RBFOX1: variants seen among roughly 807,000 people sequenced by gnomAD.
RBFOX1 encodes the protein RNA binding protein fox-1 homolog 1.
RBFOX1 carries 8 observed loss-of-function variants against 57.7 expected under a neutral mutation model. That is an observed-to-expected ratio of 0.14 (90% CI 0.08 to 0.25). The LOEUF is 0.25. Ranked by LOEUF, RBFOX1 falls within the 10% of genes least tolerant of loss-of-function variation. The probability of loss-of-function intolerance (pLI) is 1.00; values close to 1 mark genes in which losing one functional copy is unlikely to be tolerated. For synonymous variants in RBFOX1, 326 were observed against 222.4 expected, an observed-to-expected ratio of 1.47 and a Z score of -4.15; for missense variants, 611 against 548.5, an observed-to-expected ratio of 1.11 and a Z score of -1.14.
intron 3 of RBFOX1, among the ~76,000 whole-genome samples, chr16:7,011,909 C>G (rs1049232563): frequency 1.3e-5 from 2 of 152,174 alleles, no homozygotes; most frequent in Admixed American, 1.3e-4. Context: ...GCATGCTCTT[C>G]CACCCCATCT....
At chr16:7,148,023 A>C (rs2075368443) in intron 4 of RBFOX1, among the ~76,000 whole-genome samples, 3 of 152,216 alleles carry the variant, frequency 2.0e-5, no homozygotes, top group African/African-American at 7.2e-5. Context: ...CTGCCACTTC[A>C]AGATCAGAGG....
At position 7,091,467 on chromosome 16, in the gene RBFOX1, C is replaced by T. The variant is rs139615424; in HGVS notation, c.27+39369C>T. Reference sequence around the variant, plus strand: ...GAATTTCTGAGGGATGTTGAAAAGACGGGGAGAGAGTTATGCCAGGCGGCA... The same window carrying T: ...GAATTTCTGAGGGATGTTGAAAAGATGGGGAGAGAGTTATGCCAGGCGGCA... On this transcript the variant is annotated intron_variant, in intron 4 of 15. Transcript: ENST00000550418. Among the ~76,000 whole-genome samples, 22 of 151,662 alleles carry T rather than the reference C, an allele frequency of 1.5e-4. No homozygotes were observed. In the East Asian group the frequency reaches 1.6e-3, roughly 11 times the overall value.
chr16:7,293,450 C>T (rs533096715), intron 4 of RBFOX1, among the ~76,000 whole-genome samples: 1 of 152,258 alleles, frequency 6.6e-6, no homozygotes, highest in East Asian at 1.9e-4. Context: ...ATCACATCTT[C>T]CATTCTCTCT....
chr16:5,763,503 G>A (rs566342054), intron 3 of RBFOX1, among the ~76,000 whole-genome samples: 12 of 152,346 alleles, frequency 7.9e-5, no homozygotes, highest in East Asian at 3.9e-4. Context: ...TGGGGATGAA[G>A]GGGGCATGTC....
intron 2 of RBFOX1, among the ~76,000 whole-genome samples, chr16:5,498,327 A>G (rs1041064006): frequency 5.9e-5 from 9 of 152,146 alleles, no homozygotes; most frequent in African/African-American, 2.2e-4. Flanking sequence ...TATTTTTAGT[A>G]GAGACAGGGT....
intron 1 of RBFOX1, among the ~76,000 whole-genome samples, chr16:5,427,317 GC>G (rs1467782387): frequency 6.6e-6 from 1 of 152,194 alleles, no homozygotes; most frequent in Admixed American, 6.5e-5. Context: ...GGGCACGGTG[GC>G]TCATGCCTTT....
chr16:7,689,309 A>G (rs2076823155), intron 14 of RBFOX1, among the ~76,000 whole-genome samples: 1 of 152,090 alleles, frequency 6.6e-6, no homozygotes, highest in Non-Finnish European at 1.5e-5. Context: ...AAGCCTTCCC[A>G]GTTCAAAATA....
chr16:6,996,141 C>T (rs955223122), intron 3 of RBFOX1, among the ~76,000 whole-genome samples: 6 of 152,194 alleles, frequency 3.9e-5, no homozygotes, highest in African/African-American at 1.2e-4. Flanking sequence ...TCCTAATTAT[C>T]TGAAACTTGG....
At chr16:6,306,665 A>G (rs1255819175) in intron 1 of RBFOX1, among the ~76,000 whole-genome samples, 1 of 152,188 alleles carries the variant, frequency 6.6e-6, no homozygotes, top group Non-Finnish European at 1.5e-5. Flanking sequence ...TTAGATGGGA[A>G]GGAGCATTTT....
intron 3 of RBFOX1, among the ~76,000 whole-genome samples, chr16:6,702,100 AG>A (rs2061944547): frequency 6.6e-6 from 1 of 152,168 alleles, no homozygotes; most frequent in Non-Finnish European, 1.5e-5. Context: ...CTAAAATAAA[AG>A]TTTAAAAAAT....
chr16:7,354,500 C>T (rs950260306), intron 4 of RBFOX1, among the ~76,000 whole-genome samples: 1 of 152,102 alleles, frequency 6.6e-6, no homozygotes, highest in Non-Finnish European at 1.5e-5. Context: ...CTTCAAGCAG[C>T]CAGAAAAACT....
chr16:5,325,816 C>G (rs2064554695), intron 1 of RBFOX1, among the ~76,000 whole-genome samples: 1 of 152,158 alleles, frequency 6.6e-6, no homozygotes, highest in South Asian at 2.1e-4. Context: ...GTTTGTTTAT[C>G]CATTCACCCT....
At chr16:7,230,026 A>AAGGAAAGAAGGGAGAGAG (rs1567807015) in intron 4 of RBFOX1, among the ~76,000 whole-genome samples, 2 of 52,398 alleles carry the variant, frequency 3.8e-5, no homozygotes, top group Admixed American at 2.5e-4. Context: ...GGAAGAGGGG[A>AAGGAAAGAAGGGAGAGAG]AGGAAGGAAG....
intron 1 of RBFOX1, among the ~76,000 whole-genome samples, chr16:5,276,384 C>G (rs571612908): frequency 6.6e-6 from 1 of 152,008 alleles, no homozygotes; most frequent in Admixed American, 6.6e-5. Flanking sequence ...AGGCAGTTCC[C>G]AAAAGAAGAT....
At chr16:6,130,474 A>G (rs1038258347) in intron 1 of RBFOX1, among the ~76,000 whole-genome samples, 2 of 152,170 alleles carry the variant, frequency 1.3e-5, no homozygotes, top group South Asian at 4.1e-4. Flanking sequence ...AAGGAATAAA[A>G]TGAAACATAT....
At chr16:5,974,521 A>C (rs2060023951) in intron 4 of RBFOX1, among the ~76,000 whole-genome samples, 2 of 152,084 alleles carry the variant, frequency 1.3e-5, no homozygotes, top group Non-Finnish European at 2.9e-5. Flanking sequence ...GAGGCAGGAG[A>C]ATCACTCGAA....
chr16:6,457,928 C>G (rs1314884013), intron 2 of RBFOX1, among the ~76,000 whole-genome samples: 1 of 151,766 alleles, frequency 6.6e-6, no homozygotes, highest in East Asian at 1.9e-4. Flanking sequence ...CCAGTGTGCC[C>G]TTTCAGGGGT....
chr16:7,564,540 CAAAAAAAAAAAAAAAAAA>C (rs5815409), intron 5 of RBFOX1, among the ~76,000 whole-genome samples: 3 of 82,512 alleles, frequency 3.6e-5, no homozygotes, highest in Non-Finnish European at 1.9e-5. Context: ...GACTCCATCT[CAAAAAAAAAAAAAAAAAA>C]AAAAAAAAAA....
intron 4 of RBFOX1, among the ~76,000 whole-genome samples, chr16:7,168,454 C>T (rs1009829703): frequency 1.3e-5 from 2 of 152,158 alleles, no homozygotes; most frequent in Non-Finnish European, 2.9e-5. Context: ...TCGTGAACCT[C>T]ATTGGCGAGC....
Sources: allele counts gnomAD v4.1 joint callset (sites outside exome capture counted in the v4.1 genomes callset), GRCh38; gene constraint gnomAD v4.1.1; transcripts MANE v1.5; gene names NCBI Gene and HGNC (gene_info 2026-07-23, HGNC 2026-07-21).